Variants in RABGAP1L observed in about 807,000 individuals in gnomAD.
RABGAP1L encodes rab GTPase-activating protein 1-like.
A neutral mutation model predicts 137.7 loss-of-function variants in RABGAP1L; 63 were observed. That is an observed-to-expected ratio of 0.46 (90% CI 0.37 to 0.56). The LOEUF is 0.56. Among genes scored for constraint, RABGAP1L ranks in the 20% least tolerant of loss-of-function variants. RABGAP1L has a pLI of 0.00. For synonymous variants in RABGAP1L, 431 were observed against 433.7 expected, an observed-to-expected ratio of 0.99 and a Z score of 0.08; for missense variants, 1,095 against 1,244.0, an observed-to-expected ratio of 0.88 and a Z score of 1.80.
chr1:174,912,322 T>G (rs1660180842), intron 19 of RABGAP1L, among the ~76,000 whole-genome samples: 1 of 152,106 alleles, frequency 6.6e-6, no homozygotes, highest in African/African-American at 2.4e-5. Context: ...TTTCATTTTT[T>G]TGTAGAAATG....
intron 13 of RABGAP1L, among the ~76,000 whole-genome samples, chr1:174,440,370 A>G (rs1251701845): frequency 6.6e-6 from 1 of 152,210 alleles, no homozygotes; most frequent in Non-Finnish European, 1.5e-5. Flanking sequence ...ACTACAAACA[A>G]CTCAAGGCCA....
chr1:174,228,344 C>A (rs754571854), intron 3 of RABGAP1L, among the ~76,000 whole-genome samples: 112 of 151,868 alleles, frequency 7.4e-4, no homozygotes, highest in Admixed American at 2.4e-3. Flanking sequence ...TTTGTTGTTC[C>A]TCACTGGTTC....
chr1:174,496,070 G>A (rs561106432), intron 13 of RABGAP1L, among the ~76,000 whole-genome samples: 4 of 152,138 alleles, frequency 2.6e-5, no homozygotes, highest in African/African-American at 9.6e-5. Flanking sequence ...ATGTCAAACT[G>A]TAGACATGAA....
intron 14 of RABGAP1L, among the ~76,000 whole-genome samples, chr1:174,665,419 G>A (rs1229657989): frequency 7.0e-6 from 1 of 143,530 alleles, no homozygotes; most frequent in Non-Finnish European, 1.5e-5. Flanking sequence ...TTTCTTGTCT[G>A]CCTCGCCTCG....
intron 1 of RABGAP1L, among the ~76,000 whole-genome samples, chr1:174,177,518 A>C (rs10912739): frequency 0.59 from 89,338 of 152,040 alleles, 29,239 homozygotes; most frequent in African/African-American, 0.9. Context: ...GGTTTTATTA[A>C]AATTGCTTTT....
chr1:174,378,271 C>T (rs1457666232), intron 12 of RABGAP1L, among the ~76,000 whole-genome samples: 1 of 151,630 alleles, frequency 6.6e-6, no homozygotes, highest in African/African-American at 2.4e-5. Context: ...TTTATAGCAG[C>T]ATGATTTATA....
At chr1:174,680,780 G>A (rs1274527258) in intron 14 of RABGAP1L, among the ~76,000 whole-genome samples, 1 of 152,100 alleles carries the variant, frequency 6.6e-6, no homozygotes, top group Non-Finnish European at 1.5e-5. Flanking sequence ...TGTAGTCCCA[G>A]CTACTCAGGA....
chr1:174,478,792 T>A (rs868001844), intron 13 of RABGAP1L, among the ~76,000 whole-genome samples: 1 of 152,222 alleles, frequency 6.6e-6, no homozygotes, highest in Non-Finnish European at 1.5e-5. Flanking sequence ...CTTTTTCAAC[T>A]TTTGTGTCTT....
chr1:174,432,941 A>T (rs1451786156), intron 13 of RABGAP1L, among the ~76,000 whole-genome samples: 1 of 152,238 alleles, frequency 6.6e-6, no homozygotes, highest in African/African-American at 2.4e-5. Context: ...TCAGCATGTT[A>T]CCTGTGGTTG....
At chr1:174,184,040 T>C in intron 1 of RABGAP1L, among the ~76,000 whole-genome samples, 1 of 75,610 alleles carries the variant, frequency 1.3e-5, no homozygotes, top group African/African-American at 6.1e-5. Flanking sequence ...TAATTTTTTG[T>C]TTTTTTTTAG....
At chr1:174,333,096 A>G (rs1248929490) in intron 11 of RABGAP1L, among the ~76,000 whole-genome samples, 1 of 152,188 alleles carries the variant, frequency 6.6e-6, no homozygotes, top group African/African-American at 2.4e-5. Flanking sequence ...GATCTCACTC[A>G]TGTGTGGAAT....
At chr1:174,922,825 C>T (rs1417265722) in intron 19 of RABGAP1L, among the ~76,000 whole-genome samples, 1 of 152,108 alleles carries the variant, frequency 6.6e-6, no homozygotes, top group African/African-American at 2.4e-5. Flanking sequence ...TGATTTTAGG[C>T]AAATCAACTT....
intron 4 of RABGAP1L, among the ~76,000 whole-genome samples, chr1:174,233,455 C>A (rs1313923536): frequency 7.5e-6 from 1 of 133,682 alleles, no homozygotes; most frequent in Non-Finnish European, 1.5e-5. Context: ...GTGATATTCC[C>A]CTTCCTGTGT....
chr1:174,380,570 T>C (rs1429641806), intron 12 of RABGAP1L, among the ~76,000 whole-genome samples: 2 of 152,146 alleles, frequency 1.3e-5, no homozygotes, highest in African/African-American at 2.4e-5. Flanking sequence ...TCTAGTTTAT[T>C]TGCGTAGAGG....
intron 1 of RABGAP1L, 100 bp from the exon 2 acceptor site, chr1:174,219,025 T>G: frequency 1.1e-6 from 1 of 940,138 alleles, no homozygotes; most frequent in Non-Finnish European, 1.6e-6. Flanking sequence ...AGGATTCTTC[T>G]TCACATAAAC....
At chr1:174,871,626 G>A (rs1368884276) in intron 19 of RABGAP1L, among the ~76,000 whole-genome samples, 1 of 152,100 alleles carries the variant, frequency 6.6e-6, no homozygotes, top group Non-Finnish European at 1.5e-5. Flanking sequence ...GAGAGAAATG[G>A]GCACTTGCAT....
Position 174,636,791 on chromosome 1 carries a change from T to G in RABGAP1L, c.1711-584T>G, listed in dbSNP as rs1014183590. Among the ~76,000 whole-genome samples the G allele has an allele frequency of 2.0e-5, 3 of 152,162 alleles. No homozygotes were observed. The South Asian group carries it at 6.2e-4, about 32-fold the overall frequency. On this transcript the variant is annotated intron_variant, in intron 13 of 25. Transcript: ENST00000681986. ...GAGAGAGAGAGTACATTCATCAAAA[T>G]TGGAAATGCATGTAACTTTTGCCTT... is the stretch of plus-strand genomic sequence containing the variant.
intron 13 of RABGAP1L, among the ~76,000 whole-genome samples, chr1:174,548,864 A>G (rs1666226578): frequency 6.6e-6 from 1 of 152,218 alleles, no homozygotes; most frequent in Admixed American, 6.5e-5. Flanking sequence ...TAGAAGTACC[A>G]AAAAGGGCTT....
At chr1:174,714,012 A>T (rs1360593615) in intron 17 of RABGAP1L, among the ~76,000 whole-genome samples, 1 of 152,054 alleles carries the variant, frequency 6.6e-6, no homozygotes, top group Non-Finnish European at 1.5e-5. Context: ...TAAAACTCAC[A>T]TTGTTTCATT....
Sources: gnomAD v4.1 joint callset for allele counts (sites outside exome capture counted in the v4.1 genomes callset) on GRCh38, gnomAD v4.1.1 for gene constraint, MANE v1.5 for transcripts, NCBI Gene and HGNC (gene_info 2026-07-23, HGNC 2026-07-21) for gene names.